LMX1A: variants seen among roughly 807,000 people sequenced by gnomAD.
LMX1A encodes LIM homeobox transcription factor 1-alpha.
In LMX1A, 15 loss-of-function variants were observed where a neutral mutation model predicts 49.1. That is an observed-to-expected ratio of 0.31 (90% CI 0.20 to 0.47). The LOEUF is 0.47. Among genes scored for constraint, LMX1A ranks in the 20% least tolerant of loss-of-function variants. The pLI is 1.00. For missense variants in LMX1A, 372 were observed against 475.8 expected, an observed-to-expected ratio of 0.78 and a Z score of 2.03; for synonymous variants, 167 against 185.7, an observed-to-expected ratio of 0.90 and a Z score of 0.82.
chr1:165,308,812 C>T (rs367578339), intron 3 of LMX1A, among the ~76,000 whole-genome samples: 60 of 152,250 alleles, frequency 3.9e-4, no homozygotes, highest in African/African-American at 1.3e-3. Flanking sequence ...TGCATCCACT[C>T]CCAGTCTCTG....
At chr1:165,318,898 G>A (rs1282354158) in intron 3 of LMX1A, among the ~76,000 whole-genome samples, 1 of 152,066 alleles carries the variant, frequency 6.6e-6, no homozygotes, top group Non-Finnish European at 1.5e-5. Flanking sequence ...CTTGTAACGT[G>A]GAAGAAACAA....
At chr1:165,285,528 T>G (rs1450530323) in intron 3 of LMX1A, among the ~76,000 whole-genome samples, 1 of 152,174 alleles carries the variant, frequency 6.6e-6, no homozygotes, top group African/African-American at 2.4e-5. Context: ...AAAGTCCTCT[T>G]GTACAGAAAA....
intron 4 of LMX1A, among the ~76,000 whole-genome samples, chr1:165,221,644 T>A (rs1053183912): frequency 6.6e-5 from 10 of 152,108 alleles, no homozygotes; most frequent in African/African-American, 2.4e-4. Context: ...GCACTTCAGC[T>A]CAGACGTCCA....
intron 3 of LMX1A, among the ~76,000 whole-genome samples, chr1:165,288,756 A>G (rs1004818906): frequency 2.0e-5 from 3 of 152,226 alleles, no homozygotes; most frequent in African/African-American, 7.2e-5. Flanking sequence ...GGCAGCTATC[A>G]TGACCTGGCT....
intron 3 of LMX1A, among the ~76,000 whole-genome samples, chr1:165,289,158 G>A (rs1654388711): frequency 1.3e-5 from 2 of 152,220 alleles, no homozygotes; most frequent in East Asian, 1.9e-4. Flanking sequence ...TTGGGAGGGG[G>A]TAAGGGTATT....
intron 3 of LMX1A, among the ~76,000 whole-genome samples, chr1:165,304,287 C>T (rs1054992873): frequency 1.3e-5 from 2 of 152,126 alleles, no homozygotes; most frequent in Admixed American, 1.3e-4. Flanking sequence ...TTTAGCCTCT[C>T]CCACCCCAAA....
At chr1:165,297,878 G>A (rs561982076) in intron 3 of LMX1A, among the ~76,000 whole-genome samples, 1 of 152,272 alleles carries the variant, frequency 6.6e-6, no homozygotes, top group African/African-American at 2.4e-5. Flanking sequence ...CAGCCTCTCA[G>A]ATTCCTCATC....
chr1:165,336,173 G>C (rs1182369915), intron 3 of LMX1A, among the ~76,000 whole-genome samples: 1 of 151,474 alleles, frequency 6.6e-6, no homozygotes, highest in Non-Finnish European at 1.5e-5. Context: ...GCTGGGATTT[G>C]AACCCATATC....
intron 4 of LMX1A, among the ~76,000 whole-genome samples, chr1:165,233,246 C>G (rs34108363): frequency 0.11 from 16,110 of 152,152 alleles, 1,096 homozygotes; most frequent in Admixed American, 0.14. Context: ...CTTGAGCCTA[C>G]GCATTCAAGA....
intron 3 of LMX1A, among the ~76,000 whole-genome samples, chr1:165,250,328 G>A (rs978021684): frequency 1.3e-5 from 2 of 152,156 alleles, no homozygotes; most frequent in Admixed American, 6.5e-5. Context: ...TCAAAGGTTG[G>A]TCTACAGACT....
At chr1:165,223,634 C>T (rs931415940) in intron 4 of LMX1A, among the ~76,000 whole-genome samples, 3 of 152,212 alleles carry the variant, frequency 2.0e-5, no homozygotes, top group East Asian at 1.9e-4. Flanking sequence ...CCTCCCTCAG[C>T]TCCTGTCCAT....
chr1:165,298,264 C>G (rs897301313), intron 3 of LMX1A, among the ~76,000 whole-genome samples: 2 of 152,192 alleles, frequency 1.3e-5, no homozygotes, highest in African/African-American at 4.8e-5. Flanking sequence ...TGATTTACTG[C>G]CGGTGAGGGC....
At chr1:165,263,448 C>T (rs765589290) in intron 3 of LMX1A, among the ~76,000 whole-genome samples, 2 of 152,230 alleles carry the variant, frequency 1.3e-5, no homozygotes, top group Non-Finnish European at 2.9e-5. Context: ...CTTTTGACTT[C>T]TTTATCCTCC....
At chr1:165,224,407 C>T (rs1486189073) in intron 4 of LMX1A, among the ~76,000 whole-genome samples, 3 of 152,164 alleles carry the variant, frequency 2.0e-5, no homozygotes, top group African/African-American at 7.2e-5. Context: ...TAGGCAGCCC[C>T]ATCTATAAAA....
At chr1:165,214,078 G>A (rs558362756) in intron 4 of LMX1A, among the ~76,000 whole-genome samples, 3 of 152,246 alleles carry the variant, frequency 2.0e-5, no homozygotes, top group African/African-American at 4.8e-5. Flanking sequence ...TACTAGTTGC[G>A]TGGCCTTGGG....
chr1:165,225,206 A>G (rs1651990685), intron 4 of LMX1A, among the ~76,000 whole-genome samples: 2 of 152,240 alleles, frequency 1.3e-5, no homozygotes, highest in Admixed American at 6.5e-5. Context: ...CAGCCCTGGC[A>G]GACTGGGCGG....
At chr1:165,338,642 C>T (rs908283378) in intron 3 of LMX1A, among the ~76,000 whole-genome samples, 2 of 152,206 alleles carry the variant, frequency 1.3e-5, no homozygotes, top group Non-Finnish European at 2.9e-5. Flanking sequence ...CTCTATTGAG[C>T]GCAGTCCAAA....
intron 3 of LMX1A, among the ~76,000 whole-genome samples, chr1:165,291,771 A>T (rs1373828587): frequency 6.6e-6 from 1 of 152,156 alleles, no homozygotes; most frequent in African/African-American, 2.4e-5. Context: ...TCTTAACAAT[A>T]TGCTATATGC....
intron 3 of LMX1A, among the ~76,000 whole-genome samples, chr1:165,272,077 G>T (rs916543436): frequency 4.6e-5 from 7 of 151,978 alleles, no homozygotes; most frequent in Admixed American, 2.6e-4. Context: ...GTAAACGTGT[G>T]CCATGGTGGT....
Sources: allele counts gnomAD v4.1 joint callset (sites outside exome capture counted in the v4.1 genomes callset), GRCh38; gene constraint gnomAD v4.1.1; transcripts MANE v1.5; gene names NCBI Gene and HGNC (gene_info 2026-07-23, HGNC 2026-07-21).